YES1: variants seen among roughly 807,000 people sequenced by gnomAD.
The protein encoded by YES1 is tyrosine-protein kinase Yes.
YES1 carries 39 observed loss-of-function variants against 70.4 expected under a neutral mutation model. That is an observed-to-expected ratio of 0.55 (90% CI 0.43 to 0.72). YES1 has a LOEUF of 0.72. Ranked by LOEUF, YES1 falls within the 30% of genes least tolerant of loss-of-function variation. The pLI, the probability that YES1 is intolerant of heterozygous loss-of-function variation, is 0.00. For missense variants in YES1, 495 were observed against 644.8 expected (o/e 0.77, Z 2.52); for synonymous variants, 198 against 218.6 (o/e 0.91, Z 0.83).
At chr18:759,074 T>G (rs754159577) in intron 1 of YES1, among the ~76,000 whole-genome samples, 62 of 152,216 alleles carry the variant, frequency 4.1e-4, no homozygotes, top group Non-Finnish European at 7.5e-4. Flanking sequence ...TGTAGCTACA[T>G]ATATTAAAAT....
intron 1 of YES1, among the ~76,000 whole-genome samples, chr18:768,772 G>T (rs536490521): frequency 1.3e-5 from 2 of 151,570 alleles, no homozygotes; most frequent in South Asian, 4.2e-4. Flanking sequence ...GTGTGATCTC[G>T]GCTCACTGCA....
intron 1 of YES1, among the ~76,000 whole-genome samples, chr18:779,416 A>G (rs1456388624): frequency 2.6e-5 from 4 of 151,846 alleles, no homozygotes; most frequent in South Asian, 2.1e-4. Context: ...AAAAAAAAAA[A>G]AAAGAAAGAA....
Position 777,285 on chromosome 18 carries a change from G to T in YES1, c.-8-20450C>A, listed in dbSNP as rs1396004747. On this transcript the variant is annotated intron_variant, in intron 1 of 11. Coordinates refer to ENST00000314574, the MANE Select transcript of YES1 (RefSeq NM_005433.4). Reference sequence around the variant, plus strand: ...TAATTGTTTTATATATGTATATAAAGACATTCATTTAATTTTGTTGGAAAA... The same window carrying T: ...TAATTGTTTTATATATGTATATAAATACATTCATTTAATTTTGTTGGAAAA... 3.3e-5 allele frequency among the ~76,000 whole-genome samples: 5 copies of T among 152,158 alleles called. No homozygotes were observed. The South Asian group carries it at 6.2e-4, about 19-fold the overall frequency.
chr18:773,842 T>A (rs905517656), intron 1 of YES1, among the ~76,000 whole-genome samples: 3 of 152,084 alleles, frequency 2.0e-5, no homozygotes, highest in Non-Finnish European at 4.4e-5. Flanking sequence ...TTTTCCCTTT[T>A]TTTTTTTGAG....
At chr18:732,736 A>C in intron 11 of YES1, 98 bp downstream of exon 11, 3 of 1,492,044 alleles carry the variant, frequency 2.0e-6, no homozygotes, top group Non-Finnish European at 2.8e-6. Context: ...GACTATGAGA[A>C]GAAATAAAGG....
chr18:730,448 G>A (rs147164422), intron 11 of YES1, among the ~76,000 whole-genome samples: 3 of 151,390 alleles, frequency 2.0e-5, no homozygotes, highest in East Asian at 1.9e-4. Context: ...GGGCTCAAGC[G>A]ATCCACCCAC....
At chr18:788,966 A>G (rs1906103162) in intron 1 of YES1, among the ~76,000 whole-genome samples, 1 of 152,234 alleles carries the variant, frequency 6.6e-6, no homozygotes, top group African/African-American at 2.4e-5. Context: ...CCTTGCTCAG[A>G]GCATGTAAAA....
chr18:761,830 C>CATTTTTAAG (rs1366329211), intron 1 of YES1, among the ~76,000 whole-genome samples: 4 of 152,224 alleles, frequency 2.6e-5, no homozygotes, highest in Non-Finnish European at 5.9e-5. Flanking sequence ...ACGTGATTCA[C>CATTTTTAAG]ATTTTTAAGT....
At position 773,180 on chromosome 18, in the gene YES1, A is replaced by AT. The variant is rs556017800; in HGVS notation, c.-8-16346dup. ...AAATTGAAACAAATTTCCACATTAG[A>AT]TTTTTCTTTAATAGAGATGAAGTCA... is the stretch of plus-strand genomic sequence containing the variant. On this transcript the variant is annotated intron_variant, in intron 1 of 11. Coordinates refer to ENST00000314574, the MANE Select transcript of YES1 (RefSeq NM_005433.4). Among the ~76,000 whole-genome samples, 544 of 152,314 alleles carry AT rather than the reference A, an allele frequency of 3.6e-3. 4 individuals carry two copies. Among genetic ancestry groups the AT allele is most frequent in the African/African-American group, 0.012 (514 of 41,576 alleles).
chr18:745,434 T>A (rs1292946654), intron 6 of YES1, among the ~76,000 whole-genome samples: 1 of 152,188 alleles, frequency 6.6e-6, no homozygotes, highest in Non-Finnish European at 1.5e-5. Context: ...TTTATTTTCA[T>A]AAGGTACATG....
chr18:745,271 T>C (rs911885064), intron 6 of YES1, among the ~76,000 whole-genome samples: 1 of 152,150 alleles, frequency 6.6e-6, no homozygotes, highest in Non-Finnish European at 1.5e-5. Context: ...ATAAGAAAAA[T>C]GCATCGTCAG....
intron 1 of YES1, among the ~76,000 whole-genome samples, chr18:775,658 A>C (rs1905342141): frequency 6.6e-6 from 1 of 152,112 alleles, no homozygotes; most frequent in African/African-American, 2.4e-5. Context: ...TTGGCTGAAC[A>C]TGGTGGCATA....
rs537141 is a variant in YES1 at position 724,612 on chromosome 18, A to G, written c.1444T>C (p.Leu482=). ...PYPGMVNREV[L]EQVERGYRMP... is the part of the protein sequence containing the mutation. ...CTGTATCCTCGCTCCACTTGTTCTA[A>G]TACTTCACGGTTCACCATACCTAAT... is the stretch of plus-strand genomic sequence containing the variant. Residue 482 remains leucine (L), a synonymous_variant, in exon 12 of 12, where the codon TTA becomes CTA. Transcript: ENST00000314574. 1,611,553 of 1,614,122 alleles carry G rather than the reference A, an allele frequency of 1. 804,520 individuals are homozygous for G. The highest frequency in any genetic ancestry group is 1 in the East Asian group (44,872 of 44,872).
chr18:771,543 C>A (rs1006541136), intron 1 of YES1, among the ~76,000 whole-genome samples: 1 of 152,100 alleles, frequency 6.6e-6, no homozygotes, highest in Admixed American at 6.6e-5. Flanking sequence ...TTTTCTTTTA[C>A]ATTTCAAGAA....
intron 1 of YES1, among the ~76,000 whole-genome samples, chr18:782,657 A>G (rs1317845960): frequency 6.6e-6 from 1 of 152,202 alleles, no homozygotes; most frequent in African/African-American, 2.4e-5. Flanking sequence ...TGTGACATCA[A>G]TATAAAACAT....
intron 1 of YES1, among the ~76,000 whole-genome samples, chr18:791,463 A>T (rs1437661675): frequency 6.6e-6 from 1 of 151,980 alleles, no homozygotes; most frequent in African/African-American, 2.4e-5. Flanking sequence ...GACTATTTTT[A>T]CTCACCCCTT....
At chr18:777,951 T>C (rs770228210) in intron 1 of YES1, among the ~76,000 whole-genome samples, 2 of 152,250 alleles carry the variant, frequency 1.3e-5, no homozygotes, top group Non-Finnish European at 2.9e-5. Context: ...CATTATTATG[T>C]TGTACACACA....
chr18:748,921 G>T (rs2080310713), intron 3 of YES1, among the ~76,000 whole-genome samples: 1 of 152,212 alleles, frequency 6.6e-6, no homozygotes. Flanking sequence ...AGCACTTTGG[G>T]AGGCTGAGGC....
chr18:790,916 G>A (rs933307720), intron 1 of YES1, among the ~76,000 whole-genome samples: 2 of 152,224 alleles, frequency 1.3e-5, no homozygotes, highest in African/African-American at 4.8e-5. Flanking sequence ...AGGTTTCTCA[G>A]AAATTCTCTA....
Sources: gnomAD v4.1 joint callset for allele counts (sites outside exome capture counted in the v4.1 genomes callset) on GRCh38, gnomAD v4.1.1 for gene constraint, MANE v1.5 for transcripts, NCBI Gene and HGNC (gene_info 2026-07-23, HGNC 2026-07-21) for gene names.